KLHL28: variants seen among roughly 807,000 people sequenced by gnomAD.
KLHL28 encodes kelch like family member 28, also known as kelch-like protein 28.
KLHL28 carries 22 observed loss-of-function variants against 48.3 expected under a neutral mutation model. The ratio of observed to expected loss-of-function variants is 0.46; its 90% CI spans 0.33 to 0.65. The LOEUF (loss-of-function observed/expected upper bound fraction) is 0.65, where lower values mean the gene tolerates loss of function less well. Among genes scored for constraint, KLHL28 ranks in the 30% least tolerant of loss-of-function variants. The probability of loss-of-function intolerance (pLI) is 0.03; values close to 1 mark genes in which losing one functional copy is unlikely to be tolerated. For missense variants in KLHL28, 527 were observed against 704.3 expected, an observed-to-expected ratio of 0.75 and a Z score of 2.85; for synonymous variants, 243 against 242.4, an observed-to-expected ratio of 1.00 and a Z score of -0.02.
intron 1 of KLHL28, among the ~76,000 whole-genome samples, chr14:44,950,343 T>C (rs952484668): frequency 6.6e-6 from 1 of 152,150 alleles, no homozygotes; most frequent in African/African-American, 2.4e-5. Flanking sequence ...AACACAAGTA[T>C]CACAGAATTG....
Position 44,945,717 on chromosome 14 carries a change from T to G in KLHL28, c.212A>C (p.Lys71Thr). 1 of 1,614,154 alleles carries G rather than the reference T, an allele frequency of 6.2e-7. No homozygotes were observed. The highest frequency in any genetic ancestry group is 8.5e-7 in the Non-Finnish European group (1 of 1,180,024). ...KAMFTGNLSE[K>T]ENSEVEFQCI... ...TTGAAACTCAACCTCACTGTTCTCT[T>G]TTTCAGAAAGGTTTCCAGTGAACAT... The change falls in exon 2 of 5, where the codon AAA (lysine) becomes ACA (threonine). Residue 71 changes from lysine (K) to threonine (T), a missense_variant. Lys to Thr is a moderately conservative substitution (Grantham distance 78, BLOSUM62 -1). Transcript: ENST00000396128.
In KLHL28 at chr14:44,926,973, TTAAA is replaced by T. The variant is rs1452854701; in HGVS notation, c.*2051_*2054del. 7 of 152,636 alleles carry T rather than the reference TTAAA, an allele frequency of 4.6e-5. No homozygotes were observed. Among genetic ancestry groups the T allele is most frequent in the African/African-American group, 1.4e-4 (6 of 41,464 alleles). 9.5% of individuals were successfully genotyped at this position (152,636 alleles called of 1,614,324 possible). On this transcript the variant is annotated 3_prime_UTR_variant, in exon 5 of 5. Coordinates refer to ENST00000396128, the MANE Select transcript of KLHL28 (RefSeq NM_017658.5). ...TGAATCTATTTTAAACTGCTTTTCT[TTAAA>T]TAAAGTCTGGGCCAACTACAATAGT...
Position 44,929,201 on chromosome 14 carries a change from G to T in KLHL28, c.1553-10C>A. The T allele has an allele frequency of 1.3e-6, 2 of 1,582,230 alleles. No individual in the cohort carries two copies. Among genetic ancestry groups the T allele is most frequent in the Non-Finnish European group, 1.7e-6 (2 of 1,163,804 alleles). On this transcript the variant is annotated splice_polypyrimidine_tract_variant and intron_variant, in intron 4 of 4. Coordinates refer to ENST00000396128, the MANE Select transcript of KLHL28 (RefSeq NM_017658.5). ...ACAGCAGCACCAACTCCTAGGAAAG[G>T]TTGGCAAAAAGAAGATAGAAACATG...
Position 44,945,088 on chromosome 14 carries a change from C to T in KLHL28, c.841G>A (p.Ala281Thr), listed in dbSNP as rs1884264566. The T allele has an allele frequency of 6.2e-7, 1 of 1,613,800 alleles. No individual in the cohort carries two copies. Among genetic ancestry groups the T allele is most frequent in the Non-Finnish European group, 8.5e-7 (1 of 1,179,844 alleles). The stretch of plus-strand genomic sequence containing the variant: ...CCTACTGCACAAAGTACTTTGGGAG[C>T]ACAGCGAGGTCGTGTCATCAAGACT... ...QTVLMTRPRC[A>T]PKVLCAVGGK... The change falls in exon 2 of 5, where the codon GCT becomes ACT. Residue 281 changes from alanine (A) to threonine (T), a missense_variant. Ala to Thr is a moderately conservative substitution (Grantham distance 58, BLOSUM62 0). Coordinates refer to ENST00000396128, the MANE Select transcript of KLHL28 (RefSeq NM_017658.5).
At chr14:44,952,072 G>A (rs1442540367) in intron 1 of KLHL28, among the ~76,000 whole-genome samples, 1 of 151,950 alleles carries the variant, frequency 6.6e-6, no homozygotes, top group Non-Finnish European at 1.5e-5. Flanking sequence ...TGTTGCCTAG[G>A]CTAGTCTCGA....
intron 2 of KLHL28, among the ~76,000 whole-genome samples, chr14:44,938,709 G>A (rs1428675948): frequency 6.6e-6 from 1 of 152,146 alleles, no homozygotes; most frequent in African/African-American, 2.4e-5. Context: ...AATCTCCTTC[G>A]ACTCCATGTC....
At chr14:44,953,416 G>A (rs1884670854) in intron 1 of KLHL28, among the ~76,000 whole-genome samples, 1 of 152,188 alleles carries the variant, frequency 6.6e-6, no homozygotes, top group Non-Finnish European at 1.5e-5. Flanking sequence ...GAGAGGTAGG[G>A]CTTTTAAGAG....
At chr14:44,958,823 G>A (rs1319858714) in intron 1 of KLHL28, among the ~76,000 whole-genome samples, 1 of 152,064 alleles carries the variant, frequency 6.6e-6, no homozygotes, top group Non-Finnish European at 1.5e-5. Flanking sequence ...TGTAATACAA[G>A]TTGGATTTTT....
At position 44,925,680 on chromosome 14, in the gene KLHL28, A is replaced by G. The variant is rs1020469750; in HGVS notation, c.*3348T>C. On this transcript the variant is annotated 3_prime_UTR_variant, in exon 5 of 5. Coordinates refer to ENST00000396128, the MANE Select transcript of KLHL28 (RefSeq NM_017658.5). Reference sequence around the variant, plus strand: ...TATAGCAAACCCTCCATATGTGTTAAATTATCAAAATAAAATTTCAAAACC... The same window carrying G: ...TATAGCAAACCCTCCATATGTGTTAGATTATCAAAATAAAATTTCAAAACC... The G allele has an allele frequency of 2.6e-5, 4 of 152,166 alleles. No homozygotes were observed. The highest frequency in any genetic ancestry group is 9.6e-5 in the African/African-American group (4 of 41,468). 9.4% of individuals were successfully genotyped at this position (152,166 alleles called of 1,614,324 possible). A position where few individuals can be genotyped will look rare whatever the true frequency, so the allele number is the denominator to read the frequency against.
In KLHL28 at chr14:44,934,464, T is replaced by C; in HGVS notation, c.994A>G (p.Lys332Glu). 1 of 1,614,116 alleles carries C rather than the reference T, an allele frequency of 6.2e-7. No homozygotes were observed. The highest frequency in any genetic ancestry group is 8.5e-7 in the Non-Finnish European group (1 of 1,179,984). ...GCAATACCACCTATAACATATACTTTTTGGTCTAAAACGCATATTCCAAAT... is the reference window on the plus strand; with the variant it reads ...GCAATACCACCTATAACATATACTTCTTGGTCTAAAACGCATATTCCAAAT... ...YEFGICVLDQKVYVIGGIATN... is the reference protein window; with the variant it reads ...YEFGICVLDQEVYVIGGIATN... The change falls in exon 3 of 5, where the codon AAA becomes GAA. Residue 332 changes from lysine to glutamate, a missense_variant. Transcript: ENST00000396128.
chr14:44,958,174 A>C (rs746283046), intron 1 of KLHL28, among the ~76,000 whole-genome samples: 1 of 151,804 alleles, frequency 6.6e-6, no homozygotes, highest in Non-Finnish European at 1.5e-5. Flanking sequence ...TGAAATTAAA[A>C]TTAAAATAAA....
chr14:44,938,656 C>T (rs991183148), intron 2 of KLHL28, among the ~76,000 whole-genome samples: 40 of 152,200 alleles, frequency 2.6e-4, no homozygotes, highest in Non-Finnish European at 2.8e-4. Flanking sequence ...AAGCGTGAGC[C>T]ACCGCGCCCG....
chr14:44,956,367 T>C (rs1213580790), intron 1 of KLHL28, among the ~76,000 whole-genome samples: 1 of 152,154 alleles, frequency 6.6e-6, no homozygotes, highest in African/African-American at 2.4e-5. Context: ...TGAAGGGCTG[T>C]TTATATCACA....
rs951448575 is a variant in KLHL28, at chr14:44,928,214, T to C, written c.*814A>G. ...AGAATGGTACTAAACACTGCTCAAA[T>C]ATTTACATCAGCACTGGGAGGCCTG... On this transcript the variant is annotated 3_prime_UTR_variant, in exon 5 of 5. Coordinates refer to ENST00000396128, the MANE Select transcript of KLHL28 (RefSeq NM_017658.5). 2 of 152,292 alleles carry C rather than the reference T, an allele frequency of 1.3e-5. No homozygotes were observed. Among genetic ancestry groups the C allele is most frequent in the African/African-American group, 4.8e-5 (2 of 41,454 alleles). 9.4% of individuals were successfully genotyped at this position (152,292 alleles called of 1,614,324 possible). A position where few individuals can be genotyped will look rare whatever the true frequency, so the allele number is the denominator to read the frequency against.
rs1413707902 is a variant in KLHL28 at position 44,926,430 on chromosome 14, T to C, written c.*2598A>G. ...TCTAATTTACCAAATGATTATACAC[T>C]AATTTGATAGTGGAGATGATACATG... On this transcript the variant is annotated 3_prime_UTR_variant, in exon 5 of 5. Transcript: ENST00000396128. 6.6e-6 allele frequency: 1 copy of C among 152,176 alleles called. No homozygotes were observed. The highest frequency in any genetic ancestry group is 1.5e-5 in the Non-Finnish European group (1 of 68,026). 9.4% of individuals were successfully genotyped at this position (152,176 alleles called of 1,614,324 possible). A position where few individuals can be genotyped will look rare whatever the true frequency, so the allele number is the denominator to read the frequency against.
At position 44,942,497 on chromosome 14, in the gene KLHL28, A is replaced by G. The variant is rs148909555; in HGVS notation, c.899+2533T>C. ...ATGATACAAATCTAATAATTTCACT[A>G]ACCTCCTTAGAATGGTTTTGCAACC... On this transcript the variant is annotated intron_variant, in intron 2 of 4. Transcript: ENST00000396128. Among the ~76,000 whole-genome samples the G allele has an allele frequency of 3.7e-4, 56 of 152,114 alleles. 1 individual carries two copies. In the East Asian group the frequency reaches 9.7e-3, roughly 26 times the overall value.
rs1883416999 is a variant in KLHL28, at chr14:44,927,587, A to G, written c.*1441T>C. The stretch of plus-strand genomic sequence containing the variant: ...TTTAAGACTAACAGACATTTACTAA[A>G]ACATGCTAAAATCAAATAAGTTAAA... On this transcript the variant is annotated 3_prime_UTR_variant, in exon 5 of 5. Coordinates refer to ENST00000396128, the MANE Select transcript of KLHL28 (RefSeq NM_017658.5). The G allele has an allele frequency of 6.6e-6, 1 of 152,578 alleles. No homozygotes were observed. The highest frequency in any genetic ancestry group is 1.5e-5 in the Non-Finnish European group (1 of 68,008). The allele number at this position is 152,578 out of a possible 1,614,324, so 9.5% of individuals were successfully genotyped here. A position where few individuals can be genotyped will look rare whatever the true frequency, so the allele number is the denominator to read the frequency against.
chr14:44,945,054 GA>G lies in KLHL28; in HGVS notation c.874del (p.Ser292LeufsTer26). 1 of 1,606,998 alleles carries G rather than the reference GA, an allele frequency of 6.2e-7. No individual in the cohort carries two copies. ...CCTATCCAAACAGGCAAAGAGTCCA[GA>G]TTTCCCTCCTACTGCACAAAGTACT... is the stretch of plus-strand genomic sequence containing the variant. The part of the protein sequence containing the change: ...PKVLCAVGGK[S>X]GLFACLDSVE... On this transcript the variant is annotated frameshift_variant, in exon 2 of 5. Transcript: ENST00000396128. LOFTEE classifies it high-confidence loss of function.
chr14:44,932,947 T>C (rs993316731), intron 3 of KLHL28, among the ~76,000 whole-genome samples: 1 of 152,294 alleles, frequency 6.6e-6, no homozygotes, highest in African/African-American at 2.4e-5. Context: ...CAAACCTCAG[T>C]ATTTGTAGAG....
Sources: gnomAD v4.1 joint callset for allele counts (sites outside exome capture counted in the v4.1 genomes callset) on GRCh38, gnomAD v4.1.1 for gene constraint, MANE v1.5 for transcripts, NCBI Gene and HGNC (gene_info 2026-07-23, HGNC 2026-07-21) for gene names.